The following GRIK2 variants were observed in gnomAD, a reference collection of about 807,000 sequenced individuals.
GRIK2 encodes glutamate receptor ionotropic, kainate 2.
A neutral mutation model predicts 100.3 loss-of-function variants in GRIK2; 32 were observed. That is an observed-to-expected ratio of 0.32 (90% CI 0.24 to 0.43). The LOEUF (loss-of-function observed/expected upper bound fraction) is 0.43, where lower values mean the gene tolerates loss of function less well. Ranked by LOEUF, GRIK2 falls within the 20% of genes least tolerant of loss-of-function variation. GRIK2 has a pLI of 1.00. For missense variants in GRIK2, 843 were observed against 1,114.9 expected (o/e 0.76, Z 3.47); for synonymous variants, 417 against 389.4 (o/e 1.07, Z -0.83).
At chr6:101,862,421 T>A (rs1393637096) in intron 11 of GRIK2, among the ~76,000 whole-genome samples, 1 of 152,096 alleles carries the variant, frequency 6.6e-6, no homozygotes, top group East Asian at 1.9e-4. Context: ...AAATACATTT[T>A]ATTCTCCTTA....
chr6:101,551,619 C>A (rs1006632241), intron 2 of GRIK2, among the ~76,000 whole-genome samples: 1 of 152,162 alleles, frequency 6.6e-6, no homozygotes, highest in East Asian at 1.9e-4. Flanking sequence ...GCATGTGTCC[C>A]GCACTGTTCT....
chr6:101,409,702 G>T (rs1279367797), intron 2 of GRIK2, among the ~76,000 whole-genome samples: 1 of 151,862 alleles, frequency 6.6e-6, no homozygotes, highest in African/African-American at 2.4e-5. Context: ...AGTATTATTT[G>T]CTACCTGTTT....
intron 12 of GRIK2, among the ~76,000 whole-genome samples, chr6:101,894,542 A>T (rs1039565892): frequency 5.7e-4 from 87 of 151,688 alleles, no homozygotes; most frequent in African/African-American, 2.1e-3. Context: ...GCTTACTCAG[A>T]TTTTCCCCTA....
intron 9 of GRIK2, among the ~76,000 whole-genome samples, chr6:101,812,918 A>G (rs1781423304): frequency 6.6e-6 from 1 of 152,098 alleles, no homozygotes; most frequent in Non-Finnish European, 1.5e-5. Context: ...ATGTTCAGAA[A>G]ATGGAGAAAT....
At chr6:101,870,459 G>A (rs1480667997) in intron 11 of GRIK2, among the ~76,000 whole-genome samples, 3 of 151,752 alleles carry the variant, frequency 2.0e-5, no homozygotes, top group East Asian at 1.9e-4. Flanking sequence ...TGATGTACAT[G>A]TTTTGTTTCC....
At chr6:101,819,237 T>C (rs1781808353) in intron 10 of GRIK2, among the ~76,000 whole-genome samples, 1 of 152,218 alleles carries the variant, frequency 6.6e-6, no homozygotes, top group African/African-American at 2.4e-5. Flanking sequence ...ATGACCATTC[T>C]TATTAATCCT....
At chr6:102,025,097 C>A (rs546316171) in intron 14 of GRIK2, among the ~76,000 whole-genome samples, 46 of 151,326 alleles carry the variant, frequency 3.0e-4, no homozygotes, top group African/African-American at 9.4e-4. Flanking sequence ...CACTACAGAT[C>A]ATTTAGCTTT....
chr6:101,771,129 A>G (rs936488234), intron 7 of GRIK2, among the ~76,000 whole-genome samples: 1 of 152,152 alleles, frequency 6.6e-6, no homozygotes, highest in Non-Finnish European at 1.5e-5. Flanking sequence ...TGAAGAAACT[A>G]AACTCTAAGA....
chr6:101,408,819 C>G (rs572304117), intron 2 of GRIK2, among the ~76,000 whole-genome samples: 92 of 152,146 alleles, frequency 6.0e-4, no homozygotes, highest in Middle Eastern at 6.8e-3. Context: ...AATGGCTGGG[C>G]ACCCCATTAG....
chr6:101,544,763 T>C (rs1219792498), intron 2 of GRIK2, among the ~76,000 whole-genome samples: 2 of 152,182 alleles, frequency 1.3e-5, no homozygotes, highest in African/African-American at 4.8e-5. Flanking sequence ...CACTATGCAG[T>C]TTGGGAAACT....
At chr6:101,673,547 A>T (rs1292540842) in intron 4 of GRIK2, among the ~76,000 whole-genome samples, 1 of 152,160 alleles carries the variant, frequency 6.6e-6, no homozygotes, top group Non-Finnish European at 1.5e-5. Context: ...TTTGCTTCAT[A>T]AGATTCTCTG....
intron 7 of GRIK2, among the ~76,000 whole-genome samples, chr6:101,692,107 GAACA>G (rs901087369): frequency 6.8e-6 from 1 of 146,860 alleles, no homozygotes; most frequent in Admixed American, 6.8e-5. Context: ...AGTATGAACA[GAACA>G]GACAGGCTTT....
At chr6:102,003,483 T>G (rs1795052975) in intron 14 of GRIK2, among the ~76,000 whole-genome samples, 1 of 151,858 alleles carries the variant, frequency 6.6e-6, no homozygotes, top group Admixed American at 6.6e-5. Flanking sequence ...ACAATCATTT[T>G]AAAACTTTGT....
chr6:101,869,429 T>C (rs1785249386), intron 11 of GRIK2, among the ~76,000 whole-genome samples: 1 of 151,912 alleles, frequency 6.6e-6, no homozygotes, highest in South Asian at 2.1e-4. Flanking sequence ...ATCCATATAA[T>C]TTCCTGATCA....
chr6:101,584,242 A>G (rs1353088234), intron 2 of GRIK2, among the ~76,000 whole-genome samples: 1 of 152,082 alleles, frequency 6.6e-6, no homozygotes, highest in East Asian at 1.9e-4. Flanking sequence ...CTTAAGAGCA[A>G]TATTAAAATA....
intron 2 of GRIK2, among the ~76,000 whole-genome samples, chr6:101,486,349 G>A (rs1160767218): frequency 8.6e-6 from 1 of 116,644 alleles, no homozygotes; most frequent in African/African-American, 3.3e-5. Context: ...GTCTGTAGCC[G>A]AACTTGAAAA....
intron 12 of GRIK2, among the ~76,000 whole-genome samples, chr6:101,913,624 T>C (rs1040867054): frequency 1.3e-5 from 2 of 151,392 alleles, no homozygotes; most frequent in African/African-American, 4.8e-5. Context: ...CTAAAATAAA[T>C]ATGGAGTAGC....
At chr6:101,724,822 T>G (rs1774746923) in intron 7 of GRIK2, among the ~76,000 whole-genome samples, 1 of 152,014 alleles carries the variant, frequency 6.6e-6, no homozygotes, top group Non-Finnish European at 1.5e-5. Context: ...CTGAAAAATC[T>G]AAGAGTTCTG....
intron 10 of GRIK2, among the ~76,000 whole-genome samples, chr6:101,856,794 G>T (rs961507242): frequency 6.6e-6 from 1 of 152,092 alleles, no homozygotes; most frequent in African/African-American, 2.4e-5. Context: ...ACAAATGCAG[G>T]CTGCAGTTTT....
Sources: gnomAD v4.1 joint callset for allele counts (sites outside exome capture counted in the v4.1 genomes callset) on GRCh38, gnomAD v4.1.1 for gene constraint, MANE v1.5 for transcripts, NCBI Gene and HGNC (gene_info 2026-07-23, HGNC 2026-07-21) for gene names.